SNTB1: variants seen among roughly 807,000 people sequenced by gnomAD.
The protein encoded by SNTB1 is syntrophin beta 1, also known as beta-1-syntrophin.
SNTB1 carries 36 observed loss-of-function variants against 48.9 expected under a neutral mutation model. That is an observed-to-expected ratio of 0.74 (90% CI 0.56 to 0.97). The LOEUF is 0.97. Ranked by LOEUF, SNTB1 falls within the 50% of genes least tolerant of loss-of-function variation. The probability of loss-of-function intolerance (pLI) is 0.00; values close to 1 mark genes in which losing one functional copy is unlikely to be tolerated. For missense variants in SNTB1, 786 were observed against 703.4 expected (o/e 1.12, Z -1.33); for synonymous variants, 299 against 294.6 (o/e 1.01, Z -0.15).
intron 3 of SNTB1, among the ~76,000 whole-genome samples, chr8:120,628,408 G>A (rs1290869387): frequency 1.3e-5 from 2 of 152,196 alleles, no homozygotes; most frequent in Non-Finnish European, 2.9e-5. Context: ...ACAATTCACA[G>A]GAGTTAGTAT....
chr8:120,663,585 G>A (rs538078285), intron 2 of SNTB1, among the ~76,000 whole-genome samples: 1 of 152,294 alleles, frequency 6.6e-6, no homozygotes, highest in East Asian at 1.9e-4. Flanking sequence ...GGGATTACAG[G>A]CATGAGCCAC....
At chr8:120,576,166 C>T (rs370810624) in intron 3 of SNTB1, among the ~76,000 whole-genome samples, 4 of 152,078 alleles carry the variant, frequency 2.6e-5, no homozygotes, top group Non-Finnish European at 4.4e-5. Flanking sequence ...AATCAGAGTC[C>T]GCATTTTAAC....
At chr8:120,784,931 G>C (rs1819897415) in intron 1 of SNTB1, among the ~76,000 whole-genome samples, 1 of 152,168 alleles carries the variant, frequency 6.6e-6, no homozygotes, top group African/African-American at 2.4e-5. Flanking sequence ...CCCACACTGG[G>C]GAGTCCAGGA....
At chr8:120,683,116 C>T (rs957999765) in intron 2 of SNTB1, among the ~76,000 whole-genome samples, 1 of 152,024 alleles carries the variant, frequency 6.6e-6, no homozygotes, top group Non-Finnish European at 1.5e-5. Context: ...CTCCTGACCT[C>T]GTGATCCACC....
chr8:120,785,701 G>T (rs920077972), intron 1 of SNTB1, among the ~76,000 whole-genome samples: 8 of 146,606 alleles, frequency 5.5e-5, no homozygotes, highest in African/African-American at 1.7e-4. Flanking sequence ...CCATGGCCCC[G>T]CCCACTGCCT....
chr8:120,743,258 A>G (rs1819071969), intron 1 of SNTB1, among the ~76,000 whole-genome samples: 5 of 152,260 alleles, frequency 3.3e-5, no homozygotes, highest in Admixed American at 3.3e-4. Flanking sequence ...CACAGATCTC[A>G]TAGACTGGCT....
rs182535773 is a variant in SNTB1 at position 120,592,886 on chromosome 8, C to A, written c.997-17661G>T. Among the ~76,000 whole-genome samples, 232 of 152,236 alleles carry A rather than the reference C, an allele frequency of 1.5e-3. 2 individuals are homozygous for A. Among genetic ancestry groups the A allele is most frequent in the African/African-American group, 5.3e-3 (219 of 41,538 alleles). Reference sequence around the variant, plus strand: ...ACAGGGCCGGTGAATCTGCTGTATACACCTGGAATAACGCTGCCGGCGTTC... The same window carrying A: ...ACAGGGCCGGTGAATCTGCTGTATAAACCTGGAATAACGCTGCCGGCGTTC... On this transcript the variant is annotated intron_variant, in intron 3 of 6. Coordinates refer to ENST00000517992, the MANE Select transcript of SNTB1 (RefSeq NM_021021.4).
chr8:120,663,562 C>T (rs1656271062), intron 2 of SNTB1, among the ~76,000 whole-genome samples: 1 of 152,134 alleles, frequency 6.6e-6, no homozygotes, highest in Non-Finnish European at 1.5e-5. Flanking sequence ...CTGCCTCGGC[C>T]TCCCAAAGTG....
intron 1 of SNTB1, among the ~76,000 whole-genome samples, chr8:120,760,730 G>C (rs1819404796): frequency 6.6e-6 from 1 of 151,950 alleles, no homozygotes; most frequent in South Asian, 2.1e-4. Flanking sequence ...TATTTTACCA[G>C]AGCCTAACCT....
At chr8:120,557,238 A>T (rs985083814) in intron 4 of SNTB1, among the ~76,000 whole-genome samples, 14 of 152,216 alleles carry the variant, frequency 9.2e-5, no homozygotes, top group African/African-American at 3.4e-4. Context: ...GAAGTGTTCA[A>T]GCATGGGTTA....
chr8:120,724,379 G>A (rs934242103), intron 1 of SNTB1, among the ~76,000 whole-genome samples: 1 of 152,146 alleles, frequency 6.6e-6, no homozygotes, highest in Non-Finnish European at 1.5e-5. Flanking sequence ...CCAGGTAAGG[G>A]GTATGTGTCT....
chr8:120,653,435 T>C (rs1817441670), intron 2 of SNTB1, among the ~76,000 whole-genome samples: 1 of 152,068 alleles, frequency 6.6e-6, no homozygotes, highest in Admixed American at 6.6e-5. Context: ...AGGTATGAAA[T>C]GGTTTCTCCC....
At chr8:120,797,801 A>C (rs1343693498) in intron 1 of SNTB1, among the ~76,000 whole-genome samples, 1 of 151,834 alleles carries the variant, frequency 6.6e-6, no homozygotes, top group Non-Finnish European at 1.5e-5. Context: ...TCAGCCCTAT[A>C]AAGAAAGCAT....
At chr8:120,709,077 T>C (rs1394646721) in intron 1 of SNTB1, among the ~76,000 whole-genome samples, 1 of 145,258 alleles carries the variant, frequency 6.9e-6, no homozygotes, top group Non-Finnish European at 1.5e-5. Flanking sequence ...AGTGAAAAAA[T>C]GGAAGGAAGG....
intron 1 of SNTB1, among the ~76,000 whole-genome samples, chr8:120,703,670 C>A (rs1818339866): frequency 6.6e-6 from 1 of 152,148 alleles, no homozygotes; most frequent in African/African-American, 2.4e-5. Flanking sequence ...TTCATTTTGC[C>A]ATCGTTGCAC....
At chr8:120,689,875 C>A (rs931262628) in intron 2 of SNTB1, among the ~76,000 whole-genome samples, 5 of 152,120 alleles carry the variant, frequency 3.3e-5, no homozygotes, top group African/African-American at 1.2e-4. Flanking sequence ...GTGACCTGAT[C>A]TGTGGTTAAT....
In SNTB1 at chr8:120,538,912, A is replaced by T. The variant is rs769481277; in HGVS notation, c.1582T>A (p.Ser528Thr). 1.1e-5 allele frequency: 18 copies of T among 1,613,682 alleles called. No homozygotes were observed. The East Asian group carries it at 3.3e-4, about 30-fold the overall frequency. Residue 528 changes from serine to threonine, a missense_variant, in exon 7 of 7, where the codon TCA becomes ACA. Transcript: ENST00000517992. ...AAGCCCAGTCTTGTAATCTTAGCTG[A>T]CAGGAAGGAATGAATGATGAAAACA... ...PIVFIIHSFL[S>T]AKITRLGLVA
At chr8:120,760,275 G>T (rs1819394562) in intron 1 of SNTB1, among the ~76,000 whole-genome samples, 1 of 137,382 alleles carries the variant, frequency 7.3e-6, no homozygotes, top group Admixed American at 7.5e-5. Flanking sequence ...TGTCACTCCT[G>T]TCCTCACAAT....
intron 1 of SNTB1, among the ~76,000 whole-genome samples, chr8:120,778,682 T>G (rs1421599471): frequency 6.6e-6 from 1 of 152,160 alleles, no homozygotes; most frequent in East Asian, 1.9e-4. Flanking sequence ...AGTAGCTGAG[T>G]CTTCATTGCC....
Sources: allele counts gnomAD v4.1 joint callset (sites outside exome capture counted in the v4.1 genomes callset), GRCh38; gene constraint gnomAD v4.1.1; transcripts MANE v1.5; gene names NCBI Gene and HGNC (gene_info 2026-07-23, HGNC 2026-07-21).